MIPOL1: variants seen among roughly 807,000 people sequenced by gnomAD.
MIPOL1 encodes mirror-image polydactyly gene 1 protein.
In MIPOL1, 57 loss-of-function variants were observed where a neutral mutation model predicts 60.9. The ratio of observed to expected loss-of-function variants is 0.94; its 90% CI spans 0.76 to 1.17. The LOEUF (loss-of-function observed/expected upper bound fraction) is 1.17. MIPOL1 is among the 50% of genes most tolerant of loss of function. The probability of loss-of-function intolerance (pLI) is 0.00; values close to 1 mark genes in which losing one functional copy is unlikely to be tolerated. For synonymous variants in MIPOL1, 179 were observed against 168.8 expected (o/e 1.06, Z -0.47); for missense variants, 551 against 511.6 (o/e 1.08, Z -0.74).
chr14:37,204,837 G>A (rs1049358922), intron 1 of MIPOL1, among the ~76,000 whole-genome samples: 2 of 152,104 alleles, frequency 1.3e-5, no homozygotes, highest in Admixed American at 1.3e-4. Flanking sequence ...AACAAGCAGA[G>A]GCTGGAATAG....
intron 11 of MIPOL1, among the ~76,000 whole-genome samples, chr14:37,481,610 CA>C (rs1233817605): frequency 4.3e-4 from 60 of 140,248 alleles, no homozygotes; most frequent in African/African-American, 1.2e-3. Context: ...CACACACACA[CA>C]CCGAAACCAC....
chr14:37,498,132 A>G (rs996542943), intron 11 of MIPOL1, among the ~76,000 whole-genome samples: 4 of 152,200 alleles, frequency 2.6e-5, no homozygotes, highest in African/African-American at 9.6e-5. Flanking sequence ...CCAGACAAAA[A>G]GTTTAAAAAT....
At chr14:37,451,808 C>CTCTTT (rs1418256414) in intron 11 of MIPOL1, among the ~76,000 whole-genome samples, 22 of 84,576 alleles carry the variant, frequency 2.6e-4, no homozygotes, top group African/African-American at 1.3e-3. Context: ...TTTATTCTCT[C>CTCTTT]TTTTTTTTTT....
intron 10 of MIPOL1, among the ~76,000 whole-genome samples, chr14:37,381,071 G>A (rs777331522): frequency 2.6e-5 from 4 of 151,974 alleles, no homozygotes; most frequent in Non-Finnish European, 4.4e-5. Flanking sequence ...AGTACTTCAG[G>A]GAGAGGAATT....
intron 7 of MIPOL1, among the ~76,000 whole-genome samples, chr14:37,300,037 T>C (rs1263144774): frequency 6.6e-6 from 1 of 151,954 alleles, no homozygotes; most frequent in Non-Finnish European, 1.5e-5. Context: ...TAGAAGTGAG[T>C]GCCATTTTCC....
intron 1 of MIPOL1, among the ~76,000 whole-genome samples, chr14:37,230,217 CATT>C (rs1487142086): frequency 1.3e-5 from 2 of 152,034 alleles, no homozygotes; most frequent in East Asian, 1.9e-4. Context: ...ATTTAAAAAT[CATT>C]ATTAAGAGGT....
intron 11 of MIPOL1, among the ~76,000 whole-genome samples, chr14:37,480,740 T>C (rs1006116217): frequency 6.6e-6 from 1 of 151,896 alleles, no homozygotes; most frequent in Admixed American, 6.6e-5. Flanking sequence ...TAAAAGTCAT[T>C]CAAATAGGAA....
chr14:37,509,442 A>G (rs1157721427), intron 12 of MIPOL1, among the ~76,000 whole-genome samples: 1 of 151,948 alleles, frequency 6.6e-6, no homozygotes, highest in Non-Finnish European at 1.5e-5. Context: ...TTCTTAGCAT[A>G]GAGCAAACAT....
chr14:37,487,871 C>G (rs1425404846), intron 11 of MIPOL1, among the ~76,000 whole-genome samples: 8 of 152,108 alleles, frequency 5.3e-5, no homozygotes. Context: ...TTGCCTTGTG[C>G]TGTCTTTTGA....
chr14:37,482,918 AC>A, intron 11 of MIPOL1, among the ~76,000 whole-genome samples: 1 of 152,228 alleles, frequency 6.6e-6, no homozygotes, highest in South Asian at 2.1e-4. Flanking sequence ...GGATAGCAAA[AC>A]CCATGGATAG....
intron 11 of MIPOL1, among the ~76,000 whole-genome samples, chr14:37,480,004 A>G (rs2094837647): frequency 1.3e-5 from 2 of 152,154 alleles, no homozygotes; most frequent in Admixed American, 1.3e-4. Flanking sequence ...TAGAAAATCT[A>G]AACAGACCAG....
At chr14:37,320,676 A>G (rs1366194484) in intron 9 of MIPOL1, among the ~76,000 whole-genome samples, 1 of 151,958 alleles carries the variant, frequency 6.6e-6, no homozygotes, top group Non-Finnish European at 1.5e-5. Flanking sequence ...AACCCTTGCC[A>G]TTCCCATAGC....
At chr14:37,325,307 A>G (rs2224157) in intron 9 of MIPOL1, among the ~76,000 whole-genome samples, 143,472 of 152,146 alleles carry the variant, frequency 0.94, 68,031 homozygotes, top group East Asian at 1. Context: ...TTTTATATTC[A>G]TTTTACTTCA....
intron 3 of MIPOL1, among the ~76,000 whole-genome samples, chr14:37,251,780 T>A (rs896308130): frequency 6.6e-6 from 1 of 152,042 alleles, no homozygotes; most frequent in African/African-American, 2.4e-5. Flanking sequence ...TATTAGCAGA[T>A]ACATGGTTAA....
chr14:37,334,616 A>G (rs1327954854), intron 9 of MIPOL1, among the ~76,000 whole-genome samples: 2 of 151,900 alleles, frequency 1.3e-5, no homozygotes, highest in Non-Finnish European at 2.9e-5. Flanking sequence ...GAACATTTTT[A>G]TCAACCCCAA....
intron 11 of MIPOL1, among the ~76,000 whole-genome samples, chr14:37,439,556 A>G (rs2094210975): frequency 6.6e-6 from 1 of 152,186 alleles, no homozygotes; most frequent in Admixed American, 6.5e-5. Context: ...TTAAAAGCCT[A>G]AATACATTTT....
At chr14:37,211,928 G>C (rs1048386202) in intron 1 of MIPOL1, among the ~76,000 whole-genome samples, 1 of 151,936 alleles carries the variant, frequency 6.6e-6, no homozygotes, top group African/African-American at 2.4e-5. Flanking sequence ...CCCACTCCAC[G>C]TCCTAGCTCC....
intron 11 of MIPOL1, among the ~76,000 whole-genome samples, chr14:37,493,193 C>G (rs1042910695): frequency 4.6e-5 from 7 of 152,076 alleles, no homozygotes; most frequent in Non-Finnish European, 8.8e-5. Flanking sequence ...AGCATCAAAA[C>G]TTGGTATAAA....
intron 10 of MIPOL1, among the ~76,000 whole-genome samples, chr14:37,387,205 T>G (rs1014824675): frequency 6.6e-6 from 1 of 151,826 alleles, no homozygotes; most frequent in Non-Finnish European, 1.5e-5. Flanking sequence ...ACTGAATTTT[T>G]AAACTATGAA....
Sources: allele counts gnomAD v4.1 joint callset (sites outside exome capture counted in the v4.1 genomes callset), GRCh38; gene constraint gnomAD v4.1.1; transcripts MANE v1.5; gene names NCBI Gene and HGNC (gene_info 2026-07-23, HGNC 2026-07-21).